LARGE1: variants seen among roughly 807,000 people sequenced by gnomAD.
The protein encoded by LARGE1 is LARGE xylosyl- and glucuronyltransferase 1.
Under a neutral mutation model 87.6 loss-of-function variants are expected in LARGE1, and 43 were observed. The observed-to-expected ratio is 0.49, with a 90% CI of 0.38 to 0.63. The LOEUF (loss-of-function observed/expected upper bound fraction) is 0.63. Among genes scored for constraint, LARGE1 ranks in the 30% least tolerant of loss-of-function variants. LARGE1 has a pLI of 0.00. For synonymous variants in LARGE1, 434 were observed against 394.6 expected (o/e 1.10, Z -1.18); for missense variants, 802 against 1,000.2 (o/e 0.80, Z 2.67).
Position 33,277,137 on chromosome 22 carries a change from C to A in LARGE1, c.1996G>T (p.Asp666Tyr), listed in dbSNP as rs1269190775. Residue 666 changes from aspartate to tyrosine, a missense_variant, in exon 14 of 15, where the codon GAC (aspartate) becomes TAC (tyrosine). Physicochemically the swap from Asp to Tyr is radical, Grantham distance 160. This residue lies in a region of LARGE1 where 625 missense variants were observed against 841.9 expected (regional missense o/e 0.74). Transcript: ENST00000397394. ...AACCTCCGGTCGTACTCCGGGCAGT[C>A]ACGTCTCACAACAACATACGGCTCA... ...DFEPYVVVRR[D>Y]CPEYDRRFVG... 6.2e-7 allele frequency: 1 copy of A among 1,614,242 alleles called. No individual in the cohort carries two copies. Among genetic ancestry groups the A allele is most frequent in the African/African-American group, 1.3e-5 (1 of 75,070 alleles).
intron 9 of LARGE1, among the ~76,000 whole-genome samples, chr22:33,349,678 C>G (rs960895064): frequency 1.3e-5 from 2 of 152,130 alleles, no homozygotes; most frequent in Non-Finnish European, 2.9e-5. Context: ...TGACAATTAT[C>G]AGGTACTGCT....
the LARGE1 span, among the ~76,000 whole-genome samples, chr22:33,093,152 T>A: frequency 6.6e-6 from 1 of 152,224 alleles, no homozygotes; most frequent in African/African-American, 2.4e-5. Flanking sequence ...GACAAAGATG[T>A]AACTAGAACT....
At chr22:33,106,970 A>T in the LARGE1 span, among the ~76,000 whole-genome samples, 3 of 152,212 alleles carry the variant, frequency 2.0e-5, no homozygotes, top group African/African-American at 7.2e-5. Flanking sequence ...TTTTTCCCAG[A>T]CAGCAAGAAT....
In LARGE1 at chr22:33,877,351, C is replaced by T. The variant is rs117638778; in HGVS notation, c.-83+42644G>A. Among the ~76,000 whole-genome samples, 935 of 152,244 alleles carry T rather than the reference C, an allele frequency of 6.1e-3. 7 individuals carry two copies. The highest frequency in any genetic ancestry group is 0.025 in the South Asian group (121 of 4,822). On this transcript the variant is annotated intron_variant, in intron 1 of 14. Transcript: ENST00000397394. ...TTTGAGGTATAAACTACCCAGTCTA[C>T]GCCAAATGAAAGCCCCAAGTATCCT...
intron 6 of LARGE1, among the ~76,000 whole-genome samples, chr22:33,534,131 G>T (rs751694931): frequency 2.8e-4 from 42 of 151,950 alleles, no homozygotes; most frequent in African/African-American, 1.0e-3. Context: ...TCAGCCGGGC[G>T]TGGTGGCTCA....
At position 33,650,531 on chromosome 22, in the gene LARGE1, G is replaced by T; in HGVS notation, c.244C>A (p.Gln82Lys). ...GCTCGGCCCTGGGCCAGGCTGAGCTGCCTGCGGAGGGCGCGGTTCTCCTCC... is the reference window on the plus strand; with the variant it reads ...GCTCGGCCCTGGGCCAGGCTGAGCTTCCTGCGGAGGGCGCGGTTCTCCTCC... ...VEEENRALRR[Q>K]LSLAQGRAPS... is the part of the protein sequence containing the mutation. Residue 82 changes from glutamine (Q) to lysine (K), a missense_variant, in exon 3 of 15, where the codon CAG (glutamine) becomes AAG (lysine). By Grantham distance (53) the Gln-to-Lys change is moderately conservative (BLOSUM62 1). This residue lies in a region of LARGE1 where 177 missense variants were observed against 158.3 expected (regional missense o/e 1.12). Coordinates refer to ENST00000397394, the MANE Select transcript of LARGE1 (RefSeq NM_133642.5). 6.2e-7 allele frequency: 1 copy of T among 1,611,594 alleles called. No homozygotes were observed.
At chr22:33,872,948 C>T (rs566823443) in intron 1 of LARGE1, among the ~76,000 whole-genome samples, 6 of 151,964 alleles carry the variant, frequency 3.9e-5, no homozygotes, top group East Asian at 3.9e-4. Flanking sequence ...TACAGTGAAC[C>T]GAGATTGCAC....
chr22:33,801,321 CA>C (rs576335963), intron 1 of LARGE1, among the ~76,000 whole-genome samples: 263 of 152,212 alleles, frequency 1.7e-3, no homozygotes, highest in Non-Finnish European at 3.2e-3. Context: ...ATGGTCATAC[CA>C]TATTACATTC....
chr22:33,764,250 G>T (rs2084828429), intron 1 of LARGE1, among the ~76,000 whole-genome samples: 1 of 152,038 alleles, frequency 6.6e-6, no homozygotes, highest in Non-Finnish European at 1.5e-5. Context: ...CCAGATAGGT[G>T]ATTTAAACCT....
At chr22:33,768,464 AC>A (rs2084973065) in intron 1 of LARGE1, among the ~76,000 whole-genome samples, 1 of 151,160 alleles carries the variant, frequency 6.6e-6, no homozygotes, top group Non-Finnish European at 1.5e-5. Flanking sequence ...ACACACACAC[AC>A]AGTCTCCCGC....
chr22:33,825,417 T>TGCTA (rs375875556), intron 1 of LARGE1, among the ~76,000 whole-genome samples: 1 of 146,454 alleles, frequency 6.8e-6, no homozygotes, highest in African/African-American at 2.8e-5. Context: ...ACTGGGTAAT[T>TGCTA]ATAAAGGAAA....
At chr22:33,556,329 G>A (rs1322787082) in intron 6 of LARGE1, among the ~76,000 whole-genome samples, 1 of 151,898 alleles carries the variant, frequency 6.6e-6, no homozygotes, top group Non-Finnish European at 1.5e-5. Context: ...AAGGCTAAAT[G>A]AGATGGTTCA....
chr22:33,102,414 G>T, the LARGE1 span, among the ~76,000 whole-genome samples: 1 of 151,984 alleles, frequency 6.6e-6, no homozygotes, highest in Non-Finnish European at 1.5e-5. Flanking sequence ...CTTGTGACCT[G>T]CTCACCTCGG....
downstream of LARGE1, among the ~76,000 whole-genome samples, chr22:33,268,434 T>C (rs1928070826): frequency 6.6e-6 from 1 of 150,930 alleles, no homozygotes; most frequent in Admixed American, 6.6e-5. Context: ...AAAAACTTTT[T>C]TTTTTTTTTT....
At chr22:33,843,986 G>A (rs1188663399) in intron 1 of LARGE1, among the ~76,000 whole-genome samples, 2 of 151,746 alleles carry the variant, frequency 1.3e-5, no homozygotes, top group Admixed American at 1.3e-4. Flanking sequence ...GGCTGAGGCA[G>A]GAGAATCGCT....
At chr22:33,100,114 T>A in the LARGE1 span, among the ~76,000 whole-genome samples, 2 of 151,968 alleles carry the variant, frequency 1.3e-5, no homozygotes, top group Non-Finnish European at 2.9e-5. Flanking sequence ...GGCGGGTGGA[T>A]CACCTGAGGT....
At chr22:33,569,401 A>C (rs1400286930) in intron 5 of LARGE1, among the ~76,000 whole-genome samples, 1 of 152,202 alleles carries the variant, frequency 6.6e-6, no homozygotes, top group Non-Finnish European at 1.5e-5. Flanking sequence ...AATTAATCTC[A>C]ACATGAGCCC....
At chr22:33,447,434 G>C (rs1430518905) in intron 6 of LARGE1, among the ~76,000 whole-genome samples, 1 of 152,080 alleles carries the variant, frequency 6.6e-6, no homozygotes, top group Non-Finnish European at 1.5e-5. Context: ...CAAACCAGGA[G>C]CCGGGAGGTG....
chr22:33,569,668 C>T (rs1602487513), intron 5 of LARGE1, among the ~76,000 whole-genome samples: 2 of 152,188 alleles, frequency 1.3e-5, no homozygotes, highest in South Asian at 2.1e-4. Context: ...CATTCTCCCC[C>T]TCTTTCAAGT....
Sources: allele counts gnomAD v4.1 joint callset (sites outside exome capture counted in the v4.1 genomes callset), GRCh38; gene constraint gnomAD v4.1.1; regional missense constraint gnomAD v4.1.1; transcripts MANE v1.5; gene names NCBI Gene and HGNC (gene_info 2026-07-23, HGNC 2026-07-21).